SETD1A: variants seen among roughly 807,000 people sequenced by gnomAD.
SETD1A encodes the protein histone-lysine N-methyltransferase SETD1A.
A neutral mutation model predicts 149.9 loss-of-function variants in SETD1A; 29 were observed. That is an observed-to-expected ratio of 0.19 (90% CI 0.14 to 0.26). SETD1A has a LOEUF of 0.26. SETD1A is among the 10% of genes least tolerant of loss of function. The pLI is 1.00. For missense variants in SETD1A, 2,109 were observed against 2,353.1 expected, an observed-to-expected ratio of 0.90 and a Z score of 2.15; for synonymous variants, 1,141 against 968.5, an observed-to-expected ratio of 1.18 and a Z score of -3.31.
At chr16:30,978,349 G>C (rs114142300) in intron 13 of SETD1A, among the ~76,000 whole-genome samples, 169 of 152,120 alleles carry the variant, frequency 1.1e-3, no homozygotes, top group African/African-American at 4.0e-3. Context: ...CGTAAGAGGT[G>C]TGATTGGTGT....
rs778801337 is a variant in SETD1A at position 30,964,992 on chromosome 16, C to G, written c.1250C>G (p.Pro417Arg). The change falls in exon 7 of 19, where the codon CCC (proline) becomes CGC (arginine). Residue 417 changes from proline (P) to arginine (R), a missense_variant. By Grantham distance (103) the Pro-to-Arg change is moderately radical. Coordinates refer to ENST00000262519, the MANE Select transcript of SETD1A (RefSeq NM_014712.3). ...TACACCTCCTACCTGCCCCCCGAGC[C>G]CAGCCGGCCCACCGACCAGGACTAC... ...PSYTSYLPPE[P>R]SRPTDQDYRP... is the part of the protein sequence containing the mutation. The G allele has an allele frequency of 4.3e-6, 7 of 1,613,802 alleles. No homozygotes were observed. Among genetic ancestry groups the G allele is most frequent in the Non-Finnish European group, 5.9e-6 (7 of 1,179,996 alleles).
At chr16:30,974,126 G>T (rs1364290179) in intron 13 of SETD1A, among the ~76,000 whole-genome samples, 1 of 152,132 alleles carries the variant, frequency 6.6e-6, no homozygotes, top group Non-Finnish European at 1.5e-5. Context: ...GGAAATGGGG[G>T]TGAGGATTGG....
At position 30,971,397 on chromosome 16, in the gene SETD1A, T is replaced by A. The variant is rs754069211; in HGVS notation, c.3036T>A (p.Asp1012Glu). The A allele has an allele frequency of 8.8e-6, 14 of 1,588,294 alleles. No homozygotes were observed. The highest frequency in any genetic ancestry group is 1.2e-5 in the Non-Finnish European group (14 of 1,161,992). ...EVSDGEDEES[D>E]SSSKCSLYAD... ...TTCCAGGCGAGGACGAGGAAAGCGATTCGTCTTCCAAATGTTCTCTGTATG... is the reference window on the plus strand; with the variant it reads ...TTCCAGGCGAGGACGAGGAAAGCGAATCGTCTTCCAAATGTTCTCTGTATG... Residue 1012 changes from aspartate to glutamate, a missense_variant, in exon 13 of 19, where the codon GAT (aspartate) becomes GAA (glutamate). Transcript: ENST00000262519.
chr16:30,965,071 C>T lies in SETD1A; in HGVS notation c.1329C>T (p.Gly443=), dbSNP rs370643358. 2.9e-4 allele frequency: 475 copies of T among 1,611,174 alleles called. No homozygotes were observed. The highest frequency in any genetic ancestry group is 3.4e-4 in the Non-Finnish European group (398 of 1,179,366). The change falls in exon 7 of 19, where the codon GGC becomes GGT. Residue 443 remains glycine (G), a synonymous_variant. Transcript: ENST00000262519. ...PPPEPPEPGG[G]GGGGGPSPER... ...CGGAGCCTCCAGAACCTGGTGGAGG[C>T]GGGGGTGGAGGAGGGCCCAGCCCTG...
chr16:30,964,397 T>A (rs1362568152), intron 6 of SETD1A, 74 bp downstream of exon 6: 1 of 1,389,396 alleles, frequency 7.2e-7, no homozygotes, highest in Non-Finnish European at 1.0e-6. Flanking sequence ...ATGCCCAGAG[T>A]CTGTCTCCAA....
chr16:30,957,794 A>G lies in SETD1A; in HGVS notation c.-186A>G, dbSNP rs1248063773. ...CGCAGCATCTAGATCGTCGTGGCGA[A>G]GCCGACTCTCCGGGGGATGCGGCCA... On this transcript the variant is annotated 5_prime_UTR_variant, in exon 1 of 19. Coordinates refer to ENST00000262519, the MANE Select transcript of SETD1A (RefSeq NM_014712.3). The G allele has an allele frequency of 6.6e-6, 1 of 152,166 alleles. No homozygotes were observed. Among genetic ancestry groups the G allele is most frequent in the African/African-American group, 2.4e-5 (1 of 41,442 alleles). 9.4% of individuals were successfully genotyped at this position (152,166 alleles called of 1,614,324 possible).
At chr16:30,960,534 C>T (rs1183609728) in intron 3 of SETD1A, among the ~76,000 whole-genome samples, 1 of 152,088 alleles carries the variant, frequency 6.6e-6, no homozygotes, top group East Asian at 1.9e-4. Flanking sequence ...CGTCAGCTGC[C>T]ACTGGGTCGT....
In SETD1A at chr16:30,961,785, A is replaced by G. The variant is rs1411710960; in HGVS notation, c.517+248A>G. Reference sequence around the variant, plus strand: ...TAACTATCTGTAAAAAAAAAAAAAAATCATATGAAGGGTTGTACTAGGTAA... The same window carrying G: ...TAACTATCTGTAAAAAAAAAAAAAAGTCATATGAAGGGTTGTACTAGGTAA... On this transcript the variant is annotated intron_variant, in intron 4 of 18. Coordinates refer to ENST00000262519, the MANE Select transcript of SETD1A (RefSeq NM_014712.3). The surrounding 1 kb of genome is among the most constrained non-coding windows in gnomAD (Gnocchi z 4.0). Among the ~76,000 whole-genome samples the G allele has an allele frequency of 6.6e-6, 1 of 152,006 alleles. No individual in the cohort carries two copies. The highest frequency in any genetic ancestry group is 1.5e-5 in the Non-Finnish European group (1 of 67,986).
At chr16:30,968,288 A>G (rs1413635112) in intron 10 of SETD1A, among the ~76,000 whole-genome samples, 2 of 151,966 alleles carry the variant, frequency 1.3e-5, no homozygotes, top group South Asian at 4.1e-4. Flanking sequence ...CTGTAATCCC[A>G]GCTACTTGGG....
chr16:30,961,712 T>C lies in SETD1A; in HGVS notation c.517+175T>C, dbSNP rs1456888243. Among the ~76,000 whole-genome samples, 1 of 151,740 alleles carries C rather than the reference T, an allele frequency of 6.6e-6. No homozygotes were observed. The highest frequency in any genetic ancestry group is 1.5e-5 in the Non-Finnish European group (1 of 67,978). ...GAATTATGGTACATGGATTTTTGTG[T>C]GTGTGGTGTCTCCAGCAAGGTCGGG... On this transcript the variant is annotated intron_variant, in intron 4 of 18. Coordinates refer to ENST00000262519, the MANE Select transcript of SETD1A (RefSeq NM_014712.3). The surrounding 1 kb of genome is among the most constrained non-coding windows in gnomAD (Gnocchi z 4.0).
intron 9 of SETD1A, 59 bp downstream of exon 9, chr16:30,967,119 C>T (rs2056159252): frequency 1.1e-5 from 14 of 1,300,366 alleles, no homozygotes; most frequent in Non-Finnish European, 1.2e-5. Flanking sequence ...GGCCCCCTTC[C>T]TTGGGGTAGG....
rs1266448341 is a variant in SETD1A, at chr16:30,979,982, G to A, written c.4196G>A (p.Arg1399Gln). The change falls in exon 14 of 19, where the codon CGG (arginine) becomes CAG (glutamine). Residue 1399 changes from arginine to glutamine, a missense_variant. Transcript: ENST00000262519. ...AGGCGCAGCCTCCGCTCCCACGCCC[G>A]GCGCCGCCGCCCTCCGCCCCCACCC... is the stretch of plus-strand genomic sequence containing the variant. ...LRRRSLRSHA[R>Q]RRRPPPPPPP... 17 of 1,510,452 alleles carry A rather than the reference G, an allele frequency of 1.1e-5. No individual in the cohort carries two copies. The highest frequency in any genetic ancestry group is 5.0e-5 in the South Asian group (4 of 80,396). The allele number at this position is 1,510,452 out of a possible 1,614,324, so 93.6% of individuals were successfully genotyped here.
At position 30,984,322 on chromosome 16, in the gene SETD1A, T is replaced by C. The variant is rs1485887460; in HGVS notation, c.*299T>C. On this transcript the variant is annotated 3_prime_UTR_variant, in exon 19 of 19. Transcript: ENST00000262519. ...CTGGGGTGCCGGCCTGTACAGATTC[T>C]GTCCTGGGGGGCTACACAGTCCTCT... 2.5e-6 allele frequency: 1 copy of C among 403,590 alleles called. No individual in the cohort carries two copies. Among genetic ancestry groups the C allele is most frequent in the Non-Finnish European group, 4.5e-6 (1 of 219,800 alleles). 25.0% of individuals were successfully genotyped at this position (403,590 alleles called of 1,614,324 possible).
intron 13 of SETD1A, among the ~76,000 whole-genome samples, chr16:30,978,148 C>T (rs1045682288): frequency 4.6e-5 from 7 of 151,966 alleles, no homozygotes; most frequent in Non-Finnish European, 8.8e-5. Context: ...GTGGTGCATG[C>T]CTGTAGTCCC....
At chr16:30,972,158 T>C (rs2056233428) in intron 13 of SETD1A, among the ~76,000 whole-genome samples, 2 of 152,240 alleles carry the variant, frequency 1.3e-5, no homozygotes, top group South Asian at 2.1e-4. Flanking sequence ...CTAGTTGTTA[T>C]ACTCTAGCAC....
intron 1 of SETD1A, 134 bp from the exon 2 acceptor site, chr16:30,958,583 G>T: frequency 1.4e-6 from 1 of 703,202 alleles, no homozygotes; most frequent in East Asian, 2.7e-5. Flanking sequence ...GAATCCGGGG[G>T]AGCCCCGGGT....
rs201417801 is a variant in SETD1A, at chr16:30,966,031, C to T, written c.2150C>T (p.Pro717Leu). Reference protein sequence around the residue: ...PGGAFGEAFLPFPPPQEAAYG... With the variant: ...PGGAFGEAFLLFPPPQEAAYG... Reference sequence around the variant, plus strand: ...GGGGCCTTTGGGGAGGCCTTCCTCCCGTTTCCACCCCCGCAGGAGGCAGCC... The same window carrying T: ...GGGGCCTTTGGGGAGGCCTTCCTCCTGTTTCCACCCCCGCAGGAGGCAGCC... The change falls in exon 8 of 19, where the codon CCG becomes CTG. Residue 717 changes from proline to leucine, a missense_variant. Pro to Leu is a moderately conservative substitution (Grantham distance 98, BLOSUM62 -3). Transcript: ENST00000262519. 7.6e-5 allele frequency: 119 copies of T among 1,565,662 alleles called. No individual in the cohort carries two copies. The highest frequency in any genetic ancestry group is 8.9e-5 in the Non-Finnish European group (103 of 1,155,868).
rs963439042 is a variant in SETD1A at position 30,960,903 on chromosome 16, AT to A, written c.247-353del. Among the ~76,000 whole-genome samples, 290 of 143,968 alleles carry A rather than the reference AT, an allele frequency of 2.0e-3. 1 individual carries two copies. The highest frequency in any genetic ancestry group is 5.5e-3 in the African/African-American group (217 of 39,470). 94.4% of individuals were successfully genotyped at this position (143,968 alleles called of 152,430 possible). ...GGTGCCCACCATCACATCCAGCTAA[AT>A]TTTTTTTTTTGTATTTTTAGTAGAG... On this transcript the variant is annotated intron_variant, in intron 3 of 18. Transcript: ENST00000262519.
rs990642598 is a variant in SETD1A, at chr16:30,979,881, G to T, written c.4095G>T (p.Gly1365=). ...AGCGGGAGGAGGGCGAAGAGGAGGG[G>T]GAGGAAGAGGGGGAGGAAGAGGAGG... is the stretch of plus-strand genomic sequence containing the variant. The part of the protein sequence containing the change: ...QQQREEGEEE[G]EEEGEEEEEE... Residue 1365 remains glycine, a synonymous_variant, in exon 14 of 19, where the codon GGG becomes GGT. Transcript: ENST00000262519. 2.6e-6 allele frequency: 4 copies of T among 1,534,514 alleles called. No homozygotes were observed. The African/African-American group carries it at 5.5e-5, about 21-fold the overall frequency.
Sources: gnomAD v4.1 joint callset for allele counts (sites outside exome capture counted in the v4.1 genomes callset) on GRCh38, gnomAD v4.1.1 for gene constraint, Gnocchi (gnomAD v3.1) non-coding constraint, MANE v1.5 for transcripts, NCBI Gene and HGNC (gene_info 2026-07-23, HGNC 2026-07-21) for gene names.